The following ATG7 variants were observed in gnomAD, a reference collection of about 807,000 sequenced individuals.
The protein encoded by ATG7 is ubiquitin-like modifier-activating enzyme ATG7.
Under a neutral mutation model 82.4 loss-of-function variants are expected in ATG7, and 70 were observed. The observed-to-expected ratio is 0.85, with a 90% confidence interval of 0.70 to 1.04. ATG7 has a LOEUF of 1.04. ATG7 is among the 50% of genes least tolerant of loss of function. The probability of loss-of-function intolerance (pLI) is 0.00; values close to 1 mark genes in which losing one functional copy is unlikely to be tolerated. For missense variants in ATG7, 792 were observed against 864.3 expected (o/e 0.92, Z 1.05); for synonymous variants, 287 against 313.0 (o/e 0.92, Z 0.88).
intron 19 of ATG7, among the ~76,000 whole-genome samples, chr3:11,394,479 A>C (rs925843512): frequency 6.6e-5 from 10 of 152,180 alleles, no homozygotes; most frequent in African/African-American, 2.2e-4. Context: ...TATTAGGGCA[A>C]TTTTTTGTTT....
At chr3:11,508,204 G>A (rs1025186082) in intron 20 of ATG7, among the ~76,000 whole-genome samples, 15 of 152,202 alleles carry the variant, frequency 9.9e-5, no homozygotes, top group Non-Finnish European at 1.8e-4. Context: ...GGCCCCTATG[G>A]TGGTGCCAGT....
intron 15 of ATG7, among the ~76,000 whole-genome samples, chr3:11,360,077 G>T (rs1371074309): frequency 6.6e-6 from 1 of 152,080 alleles, no homozygotes; most frequent in Non-Finnish European, 1.5e-5. Flanking sequence ...ATAGAATCTT[G>T]CTCTGTCACC....
At chr3:11,299,272 C>A in intron 4 of ATG7, 90 bp from the exon 5 acceptor site, 2 of 1,348,444 alleles carry the variant, frequency 1.5e-6, no homozygotes, top group Non-Finnish European at 1.1e-6. Context: ...TTGGGCTCAA[C>A]AAAGAGAAGA....
At chr3:11,571,751 G>A in the ATG7 span, among the ~76,000 whole-genome samples, 8 of 152,142 alleles carry the variant, frequency 5.3e-5, no homozygotes, top group African/African-American at 1.4e-4. Flanking sequence ...CCATGGACCC[G>A]GCAACACAGG....
intron 20 of ATG7, among the ~76,000 whole-genome samples, chr3:11,448,438 G>C (rs1369631443): frequency 6.6e-6 from 1 of 152,194 alleles, no homozygotes; most frequent in Non-Finnish European, 1.5e-5. Context: ...TCTCAGCCCA[G>C]ATGGCCAGGC....
intron 20 of ATG7, among the ~76,000 whole-genome samples, chr3:11,483,721 T>A (rs747206320): frequency 7.2e-5 from 11 of 152,166 alleles, no homozygotes; most frequent in Non-Finnish European, 1.5e-4. Flanking sequence ...TGGAGCCAAA[T>A]AGGAAATCGG....
intron 20 of ATG7, among the ~76,000 whole-genome samples, chr3:11,484,487 A>C (rs75185054): frequency 1.3e-5 from 2 of 152,218 alleles, no homozygotes; most frequent in East Asian, 3.9e-4. Flanking sequence ...TTTAATCCAT[A>C]ATTTAGGACA....
At chr3:11,324,879 C>G (rs1371516029) in intron 9 of ATG7, among the ~76,000 whole-genome samples, 1 of 151,938 alleles carries the variant, frequency 6.6e-6, no homozygotes, top group South Asian at 2.1e-4. Context: ...AAAAAATAAC[C>G]TTGAAACTGA....
intron 5 of ATG7, among the ~76,000 whole-genome samples, chr3:11,304,352 A>C (rs918936729): frequency 1.4e-4 from 22 of 152,196 alleles, no homozygotes; most frequent in Non-Finnish European, 3.1e-4. Context: ...TGTCAAAATC[A>C]CATGTGGTGT....
At chr3:11,559,434 A>T, downstream of ATG7, 1 of 1,566,922 alleles carries the variant, frequency 6.4e-7, no homozygotes, top group Non-Finnish European at 8.6e-7. Context: ...GCCGAGGCAC[A>T]GGTGATCACG....
intron 19 of ATG7, among the ~76,000 whole-genome samples, chr3:11,411,410 G>A (rs1232573387): frequency 1.3e-5 from 2 of 151,934 alleles, no homozygotes; most frequent in African/African-American, 4.8e-5. Flanking sequence ...CGGATCATGA[G>A]GTCAAGAGAT....
At chr3:11,572,300 C>T in the ATG7 span, among the ~76,000 whole-genome samples, 1 of 152,264 alleles carries the variant, frequency 6.6e-6, no homozygotes, top group South Asian at 2.1e-4. Context: ...GGCTAAGTAA[C>T]TTTTCTAAGT....
the ATG7 span, among the ~76,000 whole-genome samples, chr3:11,567,019 A>C: frequency 6.6e-6 from 1 of 152,184 alleles, no homozygotes; most frequent in Non-Finnish European, 1.5e-5. Context: ...TCAAGCCTTT[A>C]GATGGACCCT....
At chr3:11,540,831 G>A (rs1484430512) in intron 20 of ATG7, among the ~76,000 whole-genome samples, 3 of 145,484 alleles carry the variant, frequency 2.1e-5, no homozygotes, top group Non-Finnish European at 4.5e-5. Context: ...AGTGTCCTAA[G>A]AAATCTTTGC....
intron 18 of ATG7, 30 bp from the exon 19 acceptor site, chr3:11,379,942 T>C (rs1465143434): frequency 1.2e-6 from 2 of 1,601,078 alleles, no homozygotes. Context: ...GTGTGTTTGA[T>C]GTGAATTGTT....
intron 19 of ATG7, among the ~76,000 whole-genome samples, chr3:11,405,626 TTTA>T (rs1163490048): frequency 2.0e-5 from 3 of 152,138 alleles, no homozygotes; most frequent in African/African-American, 7.2e-5. Flanking sequence ...TTTCTTTTTT[TTTA>T]TTATTTTTAT....
At chr3:11,465,979 T>C (rs1464813611) in intron 20 of ATG7, among the ~76,000 whole-genome samples, 1 of 152,242 alleles carries the variant, frequency 6.6e-6, no homozygotes, top group Non-Finnish European at 1.5e-5. Context: ...TTCTTTTCAT[T>C]TGTGTCTTTC....
intron 19 of ATG7, among the ~76,000 whole-genome samples, chr3:11,402,522 G>A (rs1341720502): frequency 6.6e-6 from 1 of 152,204 alleles, no homozygotes; most frequent in South Asian, 2.1e-4. Context: ...GGCTAAGAAT[G>A]ACTGCACCCA....
chr3:11,571,811 G>A, the ATG7 span, among the ~76,000 whole-genome samples: 34 of 152,218 alleles, frequency 2.2e-4, no homozygotes, highest in African/African-American at 3.1e-4. Flanking sequence ...CGGTCCCAGC[G>A]TGAGAAGCCT....
Sources: gnomAD v4.1 joint callset for allele counts (sites outside exome capture counted in the v4.1 genomes callset) on GRCh38, gnomAD v4.1.1 for gene constraint, MANE v1.5 for transcripts, NCBI Gene and HGNC (gene_info 2026-07-23, HGNC 2026-07-21) for gene names.